The following ESF1 variants were observed in gnomAD, a reference collection of about 807,000 sequenced individuals.
ESF1 encodes ESF1 homolog.
A neutral mutation model predicts 92.0 loss-of-function variants in ESF1; 58 were observed. That is an observed-to-expected ratio of 0.63 (90% confidence interval 0.51 to 0.78). The LOEUF (loss-of-function observed/expected upper bound fraction) is 0.78, where lower values mean the gene tolerates loss of function less well. Ranked by LOEUF, ESF1 falls within the 30% of genes least tolerant of loss-of-function variation. ESF1 has a pLI of 0.00. For synonymous variants in ESF1, 321 were observed against 313.7 expected (o/e 1.02, Z -0.24); for missense variants, 922 against 989.1 (o/e 0.93, Z 0.91).
intron 2 of ESF1, among the ~76,000 whole-genome samples, chr20:13,776,656 T>A (rs538953642): frequency 6.6e-6 from 1 of 152,246 alleles, no homozygotes; most frequent in East Asian, 1.9e-4. Context: ...AAAGAATACA[T>A]GGATATCAAA....
chr20:13,762,740 T>C, intron 8 of ESF1: 1 of 340,418 alleles, frequency 2.9e-6, no homozygotes, highest in Non-Finnish European at 5.5e-6. Flanking sequence ...GATGTATCTA[T>C]GAGAGGTACT....
In ESF1 at chr20:13,723,234, G is replaced by C. The variant is rs576194268; in HGVS notation, c.2039-4250C>G. 2.0e-5 allele frequency among the ~76,000 whole-genome samples: 3 copies of C among 152,210 alleles called. No homozygotes were observed. In the South Asian group the frequency reaches 6.2e-4, roughly 32 times the overall value. ...ATGTGGTCTCAGTACTGACCAGATG[G>C]GAGTGGTAAGCGCCCTAGTGATTTA... On this transcript the variant is annotated intron_variant, in intron 11 of 13. Coordinates refer to ENST00000617257, the MANE Select transcript of ESF1 (RefSeq NM_001276380.2).
intron 9 of ESF1, among the ~76,000 whole-genome samples, chr20:13,748,451 TATATATAC>T (rs1568718043): frequency 1.5e-4 from 19 of 125,244 alleles, no homozygotes; most frequent in Non-Finnish European, 1.8e-4. Context: ...CATATATACA[TATATATAC>T]ATATATACAC....
At chr20:13,730,394 T>C (rs1382637507) in intron 10 of ESF1, among the ~76,000 whole-genome samples, 1 of 151,294 alleles carries the variant, frequency 6.6e-6, no homozygotes, top group African/African-American at 2.4e-5. Context: ...GCTTTTTTTT[T>C]TTTTTTTGAG....
chr20:13,759,579 T>G, intron 9 of ESF1, 113 bp downstream of exon 9: 3 of 1,382,892 alleles, frequency 2.2e-6, no homozygotes, highest in Non-Finnish European at 2.9e-6. Flanking sequence ...AAATGGTGTA[T>G]GCAAATATGA....
At chr20:13,762,853 AGTT>A in intron 8 of ESF1, 1 of 278,458 alleles carries the variant, frequency 3.6e-6, no homozygotes. Context: ...TATTTATTAA[AGTT>A]TTTTTTTTTT....
intron 9 of ESF1, among the ~76,000 whole-genome samples, chr20:13,757,246 A>AT (rs1978938935): frequency 6.6e-6 from 1 of 152,228 alleles, no homozygotes; most frequent in Admixed American, 6.5e-5. Flanking sequence ...TTAATAAAAT[A>AT]TTACTAAATT....
chr20:13,724,227 A>G (rs892622244), intron 11 of ESF1, among the ~76,000 whole-genome samples: 13 of 152,198 alleles, frequency 8.5e-5, no homozygotes, highest in African/African-American at 3.1e-4. Context: ...CCCAGGAGGC[A>G]GAGGCTGTGG....
At chr20:13,720,648 G>T (rs186197505) in intron 11 of ESF1, among the ~76,000 whole-genome samples, 110 of 152,234 alleles carry the variant, frequency 7.2e-4, no homozygotes, top group Non-Finnish European at 4.3e-4. Flanking sequence ...GAACTAAAAA[G>T]ACTACTATTA....
At chr20:13,766,464 C>G (rs777625810) in intron 8 of ESF1, among the ~76,000 whole-genome samples, 3 of 152,086 alleles carry the variant, frequency 2.0e-5, no homozygotes, top group Non-Finnish European at 4.4e-5. Flanking sequence ...AAATGATGCT[C>G]TTATTTTTTA....
intron 8 of ESF1, 47 bp downstream of exon 8, chr20:13,766,730 T>C: frequency 6.3e-7 from 1 of 1,590,978 alleles, no homozygotes; most frequent in Non-Finnish European, 8.6e-7. Flanking sequence ...GTAAAGCTAC[T>C]GCCAAAGACC....
In ESF1 at chr20:13,772,669, T is replaced by C. The variant is rs1305849603; in HGVS notation, c.1150-54A>G. The stretch of plus-strand genomic sequence containing the variant: ...ATTTGTACATTCCTTTACACAAATA[T>C]CTAGACCTGTCGAAGTCAGGAACTC... On this transcript the variant is annotated intron_variant, in intron 4 of 13. Transcript: ENST00000617257. 16 of 1,271,182 alleles carry C rather than the reference T, an allele frequency of 1.3e-5. No individual in the cohort carries two copies. In the African/African-American group the frequency reaches 2.0e-4, roughly 16 times the overall value. The allele number at this position is 1,271,182 out of a possible 1,614,324, so 78.7% of individuals were successfully genotyped here. A position where few individuals can be genotyped will look rare whatever the true frequency, so the allele number is the denominator to read the frequency against.
chr20:13,749,345 G>A (rs939594363), intron 9 of ESF1, among the ~76,000 whole-genome samples: 3 of 140,074 alleles, frequency 2.1e-5, no homozygotes, highest in Non-Finnish European at 3.0e-5. Context: ...GTGGGCCACC[G>A]CACCTGGCCC....
In ESF1 at chr20:13,719,003, A is replaced by C. The variant is rs373861043; in HGVS notation, c.2039-19T>G. 6.4e-7 allele frequency: 1 copy of C among 1,573,878 alleles called. No homozygotes were observed. Among genetic ancestry groups the C allele is most frequent in the African/African-American group, 1.4e-5 (1 of 73,668 alleles). On this transcript the variant is annotated intron_variant, in intron 11 of 13. Transcript: ENST00000617257. ...TTTATACCTGGCACAACAAACCAAC[A>C]TAAGAGTGGTAAAAATTACAGGACT...
chr20:13,726,279 A>C (rs1206162659), intron 11 of ESF1, among the ~76,000 whole-genome samples: 3 of 152,178 alleles, frequency 2.0e-5, no homozygotes, highest in Non-Finnish European at 4.4e-5. Flanking sequence ...TGTTGTCAGG[A>C]CAACAAAGCC....
intron 9 of ESF1, among the ~76,000 whole-genome samples, chr20:13,756,212 G>T (rs1048443270): frequency 6.6e-6 from 1 of 152,174 alleles, no homozygotes; most frequent in African/African-American, 2.4e-5. Flanking sequence ...GGTACAGAAA[G>T]ATTGCTCAAT....
intron 10 of ESF1, among the ~76,000 whole-genome samples, chr20:13,731,861 C>T (rs1023965463): frequency 1.3e-5 from 2 of 152,192 alleles, no homozygotes; most frequent in Non-Finnish European, 2.9e-5. Context: ...ACCCGAGAAA[C>T]GAGTTCACAG....
At chr20:13,748,560 ATATATG>A (rs1978419736) in intron 9 of ESF1, among the ~76,000 whole-genome samples, 1 of 41,584 alleles carries the variant, frequency 2.4e-5, no homozygotes, top group Admixed American at 3.4e-4. Context: ...ATATATATAT[ATATATG>A]TGTGTGTGTA....
chr20:13,742,993 C>T (rs912668263), intron 9 of ESF1, among the ~76,000 whole-genome samples: 9 of 152,126 alleles, frequency 5.9e-5, no homozygotes, highest in Non-Finnish European at 1.2e-4. Flanking sequence ...TTTCACTTAG[C>T]GTAGTATTTT....
Sources: allele counts gnomAD v4.1 joint callset (sites outside exome capture counted in the v4.1 genomes callset), GRCh38; gene constraint gnomAD v4.1.1; transcripts MANE v1.5; gene names NCBI Gene and HGNC (gene_info 2026-07-23, HGNC 2026-07-21).